The following NMD3 variants were observed in gnomAD, a reference collection of about 807,000 sequenced individuals.
The protein encoded by NMD3 is NMD3 ribosome export adaptor.
A neutral mutation model predicts 73.1 loss-of-function variants in NMD3; 47 were observed. That is an observed-to-expected ratio of 0.64 (90% CI 0.51 to 0.82). NMD3 has a LOEUF of 0.82. Ranked by LOEUF, NMD3 falls within the 40% of genes least tolerant of loss-of-function variation. The probability of loss-of-function intolerance (pLI) is 0.00; values close to 1 mark genes in which losing one functional copy is unlikely to be tolerated. For missense variants in NMD3, 554 were observed against 612.5 expected, an observed-to-expected ratio of 0.90 and a Z score of 1.01; for synonymous variants, 210 against 194.5, an observed-to-expected ratio of 1.08 and a Z score of -0.66.
At chr3:161,233,025 T>G (rs988879937) in intron 4 of NMD3, among the ~76,000 whole-genome samples, 3 of 152,146 alleles carry the variant, frequency 2.0e-5, no homozygotes, top group Non-Finnish European at 4.4e-5. Context: ...AGTGGAAACT[T>G]TTGTTCATGA....
chr3:161,242,850 A>G (rs997580369), intron 11 of NMD3, among the ~76,000 whole-genome samples, 197 bp downstream of exon 11: 20 of 152,044 alleles, frequency 1.3e-4, no homozygotes, highest in Non-Finnish European at 1.5e-5. Flanking sequence ...TAGACTGTTA[A>G]GTTAATTTAT....
chr3:161,238,162 C>A lies in NMD3; in HGVS notation c.627C>A (p.Val209=). 1 of 1,603,272 alleles carries A rather than the reference C, an allele frequency of 6.2e-7. No individual in the cohort carries two copies. The highest frequency in any genetic ancestry group is 1.1e-5 in the South Asian group (1 of 89,308). ...CAAAACAACATGCTCAGAAGATGGT[C>A]GAATTTCTTCAGTGTACAGTTCCCT... The part of the protein sequence containing the change: ...YSSKQHAQKM[V]EFLQCTVPCR... Residue 209 remains valine, a synonymous_variant, in exon 8 of 16, where the codon GTC becomes GTA. Coordinates refer to ENST00000351193, the MANE Select transcript of NMD3 (RefSeq NM_015938.5).
chr3:161,251,408 C>T lies in NMD3; in HGVS notation c.*498C>T, dbSNP rs571758111. 2 of 152,144 alleles carry T rather than the reference C, an allele frequency of 1.3e-5. No homozygotes were observed. Among genetic ancestry groups the T allele is most frequent in the South Asian group, 4.2e-4 (2 of 4,816 alleles). 9.4% of individuals were successfully genotyped at this position (152,144 alleles called of 1,614,324 possible). A position where few individuals can be genotyped will look rare whatever the true frequency, so the allele number is the denominator to read the frequency against. On this transcript the variant is annotated 3_prime_UTR_variant, in exon 16 of 16. Transcript: ENST00000351193. The stretch of plus-strand genomic sequence containing the variant: ...TTGTTGAGGTAGGGAAATTAGGGTT[C>T]AGTTTATCACTGGACATTCAGGAGG...
chr3:161,241,184 G>T (rs1382206429), intron 10 of NMD3, 21 bp downstream of exon 10: 8 of 1,406,670 alleles, frequency 5.7e-6, no homozygotes, highest in African/African-American at 4.3e-5. Context: ...GAAATGATTT[G>T]CCTTGACAAT....
At chr3:161,250,652 G>A (rs1737446878) in intron 15 of NMD3, 128 bp from the exon 16 acceptor site, 2 of 622,866 alleles carry the variant, frequency 3.2e-6, no homozygotes, top group Non-Finnish European at 5.3e-6. Context: ...AGAGACAAGA[G>A]CTTCTGATAC....
downstream of NMD3, chr3:161,252,880 CTTCAGGCCAG>C: frequency 1.5e-6 from 1 of 656,320 alleles, no homozygotes; most frequent in Non-Finnish European, 2.7e-6. Context: ...GGGCAGATCA[CTTCAGGCCAG>C]GAGTTCAAGA....
At chr3:161,239,388 C>G (rs1736884697) in intron 9 of NMD3, among the ~76,000 whole-genome samples, 2 of 152,126 alleles carry the variant, frequency 1.3e-5, no homozygotes, top group African/African-American at 4.8e-5. Context: ...TATTGAGTAT[C>G]TATAGTATAG....
chr3:161,243,740 A>G (rs967297250), intron 11 of NMD3, among the ~76,000 whole-genome samples: 1 of 152,068 alleles, frequency 6.6e-6, no homozygotes, highest in African/African-American at 2.4e-5. Flanking sequence ...TTTAGGTTAA[A>G]TTTTTCTTGC....
chr3:161,246,904 T>C (rs1330773056), intron 12 of NMD3, among the ~76,000 whole-genome samples: 1 of 151,390 alleles, frequency 6.6e-6, no homozygotes, highest in Non-Finnish European at 1.5e-5. Flanking sequence ...GCTTTTAGGA[T>C]TTCAGTTTCT....
In NMD3 at chr3:161,239,023, G is replaced by A. The variant is rs144174964; in HGVS notation, c.753+197G>A. ...AAAGTCATGCTTATAATTATGAATT[G>A]ACATGCCTTTTATTTTGGTGTATTA... is the stretch of plus-strand genomic sequence containing the variant. On this transcript the variant is annotated intron_variant, in intron 9 of 15. Coordinates refer to ENST00000351193, the MANE Select transcript of NMD3 (RefSeq NM_015938.5). Among the ~76,000 whole-genome samples, 54 of 152,174 alleles carry A rather than the reference G, an allele frequency of 3.5e-4. 1 individual carries two copies. In the East Asian group the frequency reaches 0.01, roughly 29 times the overall value.
In NMD3 at chr3:161,234,819, G is replaced by A. The variant is rs1184242139; in HGVS notation, c.450G>A (p.Lys150=). ...MCGDCHRVEA[K]DFWKAVIQVR... is the part of the protein sequence containing the mutation. ...GAGATTGCCATAGAGTAGAAGCTAAGGATTTCTGGAAGGCTGTGATTCAAG... is the reference window on the plus strand; with the variant it reads ...GAGATTGCCATAGAGTAGAAGCTAAAGATTTCTGGAAGGCTGTGATTCAAG... The change falls in exon 6 of 16, where the codon AAG becomes AAA. Residue 150 remains lysine (K), a synonymous_variant. Transcript: ENST00000351193. 1.2e-6 allele frequency: 2 copies of A among 1,613,318 alleles called. No individual in the cohort carries two copies. Among genetic ancestry groups the A allele is most frequent in the South Asian group, 2.2e-5 (2 of 91,070 alleles).
chr3:161,249,393 A>G, intron 13 of NMD3, 61 bp from the exon 14 acceptor site: 2 of 1,063,126 alleles, frequency 1.9e-6, no homozygotes, highest in East Asian at 2.5e-5. Flanking sequence ...GCTTTATTGA[A>G]TTTTGTGGCC....
At position 161,225,035 on chromosome 3, in the gene NMD3, C is replaced by G; in HGVS notation, c.150C>G (p.Val50=). The G allele has an allele frequency of 3.1e-6, 5 of 1,613,772 alleles. No individual in the cohort carries two copies. Among genetic ancestry groups the G allele is most frequent in the Non-Finnish European group, 4.2e-6 (5 of 1,179,938 alleles). ...VDISQGIPKQ[V]SISFCKQCQR... ...TCAGCCAAGGTATTCCGAAACAAGT[C>G]TCGATTTCGTTCTGCAAACAATGTC... The change falls in exon 3 of 16, where the codon GTC becomes GTG. Residue 50 remains valine, a synonymous_variant. Coordinates refer to ENST00000351193, the MANE Select transcript of NMD3 (RefSeq NM_015938.5).
intron 11 of NMD3, among the ~76,000 whole-genome samples, chr3:161,245,754 T>C (rs1737177229): frequency 6.6e-6 from 1 of 151,944 alleles, no homozygotes; most frequent in South Asian, 2.1e-4. Context: ...TTCTGCTATA[T>C]ATATATTATA....
chr3:161,252,532 T>G (rs1737531206), downstream of NMD3, among the ~76,000 whole-genome samples: 2 of 152,190 alleles, frequency 1.3e-5, no homozygotes, highest in Non-Finnish European at 2.9e-5. Flanking sequence ...CGAATGTAGC[T>G]AAGAGAAAAG....
intron 7 of NMD3, among the ~76,000 whole-genome samples, chr3:161,236,633 CTGTT>C (rs1207882608): frequency 6.6e-6 from 1 of 152,212 alleles, no homozygotes. Flanking sequence ...TGCTTAAAAA[CTGTT>C]TGTCTAATCA....
chr3:161,235,343 A>C (rs553931521), intron 7 of NMD3, 131 bp downstream of exon 7: 12 of 475,684 alleles, frequency 2.5e-5, no homozygotes, highest in Non-Finnish European at 3.8e-5. Flanking sequence ...AAAAAAAAAA[A>C]AAACAACTTA....
chr3:161,224,441 T>TA (rs1736227763), intron 2 of NMD3, among the ~76,000 whole-genome samples: 1 of 152,202 alleles, frequency 6.6e-6, no homozygotes, highest in Non-Finnish European at 1.5e-5. Flanking sequence ...GCCCCTGTAT[T>TA]ACAGGGTTAT....
chr3:161,227,144 T>G, intron 3 of NMD3, 103 bp from the exon 4 acceptor site: 1 of 687,792 alleles, frequency 1.5e-6, no homozygotes, highest in South Asian at 1.9e-5. Flanking sequence ...CCTTGGGTTT[T>G]ATTATGCCTG....
Sources: allele counts gnomAD v4.1 joint callset (sites outside exome capture counted in the v4.1 genomes callset), GRCh38; gene constraint gnomAD v4.1.1; transcripts MANE v1.5; gene names NCBI Gene and HGNC (gene_info 2026-07-23, HGNC 2026-07-21).